Variants in TENM2 observed in about 807,000 individuals in gnomAD.
The protein encoded by TENM2 is teneurin-2.
TENM2 carries 52 observed loss-of-function variants against 245.2 expected under a neutral mutation model. The ratio of observed to expected loss-of-function variants is 0.21; its 90% CI spans 0.17 to 0.27. The LOEUF is 0.27. Ranked by LOEUF, TENM2 falls within the 10% of genes least tolerant of loss-of-function variation. The probability of loss-of-function intolerance (pLI) is 1.00; values close to 1 mark genes in which losing one functional copy is unlikely to be tolerated. For missense variants in TENM2, 3,046 were observed against 3,666.8 expected, an observed-to-expected ratio of 0.83 and a Z score of 4.37; for synonymous variants, 1,363 against 1,438.9, an observed-to-expected ratio of 0.95 and a Z score of 1.19.
chr5:167,298,485 C>G (rs1306690867), intron 1 of TENM2, among the ~76,000 whole-genome samples: 2 of 152,144 alleles, frequency 1.3e-5, no homozygotes, highest in Non-Finnish European at 2.9e-5. Flanking sequence ...CGCCTGAAGT[C>G]CCAGCTACTC....
intron 2 of TENM2, among the ~76,000 whole-genome samples, chr5:167,508,753 C>T (rs1426891421): frequency 6.6e-6 from 1 of 152,152 alleles, no homozygotes; most frequent in African/African-American, 2.4e-5. Flanking sequence ...GGTCTCATAA[C>T]CCTCTCCCTC....
At chr5:167,689,322 C>T (rs1757274670) in intron 2 of TENM2, among the ~76,000 whole-genome samples, 1 of 152,166 alleles carries the variant, frequency 6.6e-6, no homozygotes. Flanking sequence ...GTTGCCCATC[C>T]GAGCTTTTCT....
At chr5:167,096,297 T>C in the TENM2 span, among the ~76,000 whole-genome samples, 2 of 152,238 alleles carry the variant, frequency 1.3e-5, no homozygotes, top group African/African-American at 4.8e-5. Context: ...AATTTTGAAA[T>C]GCCCTTTTCT....
chr5:167,068,486 T>C, the TENM2 span, among the ~76,000 whole-genome samples: 1 of 152,230 alleles, frequency 6.6e-6, no homozygotes, highest in Non-Finnish European at 1.5e-5. Flanking sequence ...TAACCTGAGA[T>C]ACCAAACCTT....
chr5:167,299,286 T>G (rs1278204028), intron 1 of TENM2, among the ~76,000 whole-genome samples: 1 of 152,156 alleles, frequency 6.6e-6, no homozygotes, highest in East Asian at 1.9e-4. Flanking sequence ...AAGGCTAAAC[T>G]GAGGAATTAT....
chr5:168,079,267 T>G (rs917741636), intron 7 of TENM2, among the ~76,000 whole-genome samples: 5 of 152,274 alleles, frequency 3.3e-5, no homozygotes, highest in Non-Finnish European at 5.9e-5. Flanking sequence ...TTGTGATTTT[T>G]GCACATTGAT....
At chr5:168,145,592 T>C (rs1293568378) in intron 12 of TENM2, among the ~76,000 whole-genome samples, 92 of 151,654 alleles carry the variant, frequency 6.1e-4, no homozygotes, top group Non-Finnish European at 1.2e-3. Context: ...AGCCTTGTAG[T>C]ATAGTTTGAA....
intron 3 of TENM2, among the ~76,000 whole-genome samples, chr5:167,926,206 G>C (rs192716360): frequency 6.6e-6 from 1 of 152,066 alleles, no homozygotes; most frequent in South Asian, 2.1e-4. Context: ...AAAGACCCAC[G>C]TAAAGATGAA....
chr5:167,211,751 A>T, the TENM2 span, among the ~76,000 whole-genome samples: 7 of 152,152 alleles, frequency 4.6e-5, no homozygotes, highest in Non-Finnish European at 1.0e-4. Flanking sequence ...CAATAGGTTT[A>T]TAGATTTTTT....
chr5:167,907,914 C>T (rs1382429833), intron 3 of TENM2, among the ~76,000 whole-genome samples: 4 of 152,022 alleles, frequency 2.6e-5, no homozygotes, highest in African/African-American at 7.2e-5. Flanking sequence ...GAGCTGATGA[C>T]ATTGAACCTC....
chr5:167,454,333 G>T (rs1010136556), intron 2 of TENM2, among the ~76,000 whole-genome samples: 4 of 152,274 alleles, frequency 2.6e-5, no homozygotes, highest in African/African-American at 9.6e-5. Context: ...CAGCTCAAAT[G>T]ATCATAGGCA....
intron 13 of TENM2, among the ~76,000 whole-genome samples, chr5:168,164,104 C>G (rs1050553293): frequency 4.6e-5 from 7 of 152,204 alleles, no homozygotes; most frequent in African/African-American, 1.7e-4. Context: ...TACATTCCAG[C>G]CTTTGTGTAA....
intron 2 of TENM2, among the ~76,000 whole-genome samples, chr5:167,388,965 C>G (rs142188009): frequency 1.2e-3 from 189 of 152,048 alleles, no homozygotes; most frequent in African/African-American, 4.4e-3. Context: ...GTATATTTAT[C>G]AGGTCCTATA....
intron 2 of TENM2, among the ~76,000 whole-genome samples, chr5:167,773,003 C>T (rs571315276): frequency 6.6e-6 from 1 of 152,290 alleles, no homozygotes; most frequent in East Asian, 1.9e-4. Context: ...TTGTTTCAGA[C>T]TCAAGATCTG....
the TENM2 span, among the ~76,000 whole-genome samples, chr5:167,152,850 C>T: frequency 6.6e-6 from 1 of 152,068 alleles, no homozygotes; most frequent in Non-Finnish European, 1.5e-5. Context: ...TTTGATACTT[C>T]TACATTGTTT....
intron 2 of TENM2, among the ~76,000 whole-genome samples, chr5:167,490,265 TAAAC>T (rs1402508701): frequency 6.6e-6 from 1 of 152,188 alleles, no homozygotes; most frequent in African/African-American, 2.4e-5. Context: ...TTTTTTTAAA[TAAAC>T]TTTTTATTTC....
intron 2 of TENM2, among the ~76,000 whole-genome samples, chr5:167,754,083 AG>A (rs1762128772): frequency 1.3e-5 from 2 of 152,296 alleles, no homozygotes; most frequent in African/African-American, 4.8e-5. Flanking sequence ...CTTAAAAAAA[AG>A]AAAATTACAA....
chr5:167,729,842 T>C (rs1391044563), intron 2 of TENM2, among the ~76,000 whole-genome samples: 1 of 152,224 alleles, frequency 6.6e-6, no homozygotes, highest in Non-Finnish European at 1.5e-5. Context: ...TGGCAATAAA[T>C]GGCCACATGC....
the TENM2 span, among the ~76,000 whole-genome samples, chr5:166,979,156 T>C: frequency 2.1e-5 from 3 of 143,098 alleles, no homozygotes; most frequent in Non-Finnish European, 3.1e-5. Flanking sequence ...GGCGTCCTCC[T>C]CCTAATCGTT....
Sources: gnomAD v4.1 joint callset for allele counts (sites outside exome capture counted in the v4.1 genomes callset) on GRCh38, gnomAD v4.1.1 for gene constraint, MANE v1.5 for transcripts, NCBI Gene and HGNC (gene_info 2026-07-23, HGNC 2026-07-21) for gene names.